The following STIMATE variants were observed in gnomAD, a reference collection of about 807,000 sequenced individuals.
STIMATE encodes the protein store-operated calcium entry regulator STIMATE.
STIMATE carries 15 observed loss-of-function variants against 36.7 expected under a neutral mutation model. The ratio of observed to expected loss-of-function variants is 0.41; its 90% CI spans 0.27 to 0.63. The LOEUF is 0.63. Among genes scored for constraint, STIMATE ranks in the 20% least tolerant of loss-of-function variants. STIMATE has a pLI of 0.32. For missense variants in STIMATE, 305 were observed against 397.3 expected (o/e 0.77, Z 1.98); for synonymous variants, 163 against 162.3 (o/e 1.00, Z -0.03).
At chr3:52,870,703 C>T (rs933791709) in intron 1 of STIMATE, among the ~76,000 whole-genome samples, 1 of 152,112 alleles carries the variant, frequency 6.6e-6, no homozygotes, top group Non-Finnish European at 1.5e-5. Context: ...GCTGGTCAAG[C>T]GAGTCTTCTT....
At chr3:52,863,660 T>C (rs1236770432) in intron 1 of STIMATE, among the ~76,000 whole-genome samples, 5 of 152,158 alleles carry the variant, frequency 3.3e-5, no homozygotes, top group Non-Finnish European at 7.3e-5. Flanking sequence ...CAAAGTCTCA[T>C]CTGAGACAAG....
chr3:52,888,011 T>G lies in STIMATE; in HGVS notation c.160+9280A>C, dbSNP rs970870143. On this transcript the variant is annotated intron_variant, in intron 1 of 7. Transcript: ENST00000355083. Reference sequence around the variant, plus strand: ...CAGAATCAGTTTTTTTTTTTTTTTTTTTTTTTTTTTGCCAGTAATTGATGG... The same window carrying G: ...CAGAATCAGTTTTTTTTTTTTTTTTGTTTTTTTTTTGCCAGTAATTGATGG... 1.7e-4 allele frequency among the ~76,000 whole-genome samples: 24 copies of G among 142,518 alleles called. No individual in the cohort carries two copies. In the East Asian group the frequency reaches 2.3e-3, roughly 14 times the overall value. 93.5% of individuals were successfully genotyped at this position (142,518 alleles called of 152,430 possible).
intron 4 of STIMATE, 125 bp from the exon 5 acceptor site, chr3:52,845,066 G>GC (rs1167036393): frequency 1.7e-5 from 15 of 863,420 alleles, no homozygotes; most frequent in East Asian, 5.7e-5. Flanking sequence ...TACTTAATGA[G>GC]CCCCCCCAAA....
intron 1 of STIMATE, among the ~76,000 whole-genome samples, chr3:52,888,361 C>T (rs370423391): frequency 7.2e-5 from 11 of 152,288 alleles, no homozygotes; most frequent in South Asian, 2.1e-4. Flanking sequence ...GCTCCCCATG[C>T]GAAGACTGGA....
At chr3:52,895,989 A>G in intron 1 of STIMATE, 2 of 1,280,140 alleles carry the variant, frequency 1.6e-6, no homozygotes, top group Non-Finnish European at 2.0e-6. Context: ...TTTAGCAGAG[A>G]AAAAGCAAGG....
intron 4 of STIMATE, chr3:52,846,687 C>G (rs1182233783): frequency 2.0e-5 from 3 of 152,180 alleles, no homozygotes; most frequent in Non-Finnish European, 2.9e-5. Flanking sequence ...TAAGAAAGTT[C>G]AGAAACGTGA....
At chr3:52,894,288 G>A (rs187452511) in intron 1 of STIMATE, among the ~76,000 whole-genome samples, 1 of 152,318 alleles carries the variant, frequency 6.6e-6, no homozygotes, top group African/African-American at 2.4e-5. Flanking sequence ...AACTCAACAA[G>A]GCAGTGCTGA....
At chr3:52,859,531 A>AAAAAAAATTT (rs748928249) in intron 1 of STIMATE, among the ~76,000 whole-genome samples, 4 of 18,828 alleles carry the variant, frequency 2.1e-4, no homozygotes, top group African/African-American at 2.5e-4. Flanking sequence ...AAAAAAAAAA[A>AAAAAAAATTT]TTTTTTTTTT....
intron 1 of STIMATE, chr3:52,896,050 C>T (rs1280695215): frequency 2.5e-6 from 2 of 796,094 alleles, no homozygotes; most frequent in East Asian, 6.3e-5. Context: ...GACAGTTGGG[C>T]ACTTATAAGA....
chr3:52,897,471 C>G lies in STIMATE; in HGVS notation c.-21G>C. On this transcript the variant is annotated 5_prime_UTR_variant, in exon 1 of 8. Transcript: ENST00000355083. ...TGCATGACAGGCCTCGCGGGAGGGG[C>G]GCGAGGGCCCAGGGCCCGCCCGGCC... The G allele has an allele frequency of 1.6e-6, 2 of 1,281,300 alleles. No individual in the cohort carries two copies. Among genetic ancestry groups the G allele is most frequent in the South Asian group, 4.8e-5 (2 of 41,986 alleles). 79.4% of individuals were successfully genotyped at this position (1,281,300 alleles called of 1,614,324 possible). A position where few individuals can be genotyped will look rare whatever the true frequency, so the allele number is the denominator to read the frequency against.
At chr3:52,855,991 G>A (rs1701085735) in intron 1 of STIMATE, among the ~76,000 whole-genome samples, 1 of 152,182 alleles carries the variant, frequency 6.6e-6, no homozygotes, top group Non-Finnish European at 1.5e-5. Context: ...CCCACAGTGG[G>A]GACCGAAGTG....
chr3:52,897,480 C>T lies in STIMATE; in HGVS notation c.-30G>A. On this transcript the variant is annotated 5_prime_UTR_variant, in exon 1 of 8. Transcript: ENST00000355083. Reference sequence around the variant, plus strand: ...GGCCTCGCGGGAGGGGCGCGAGGGCCCAGGGCCCGCCCGGCCTCGCTGCCT... The same window carrying T: ...GGCCTCGCGGGAGGGGCGCGAGGGCTCAGGGCCCGCCCGGCCTCGCTGCCT... 3 of 1,220,012 alleles carry T rather than the reference C, an allele frequency of 2.5e-6. No homozygotes were observed. The highest frequency in any genetic ancestry group is 2.0e-6 in the Non-Finnish European group (2 of 981,332). 75.6% of individuals were successfully genotyped at this position (1,220,012 alleles called of 1,614,324 possible). A position where few individuals can be genotyped will look rare whatever the true frequency, so the allele number is the denominator to read the frequency against.
intron 4 of STIMATE, 96 bp from the exon 5 acceptor site, chr3:52,845,037 GGCTCTAAA>G: frequency 7.7e-7 from 1 of 1,302,108 alleles, no homozygotes; most frequent in African/African-American, 1.5e-5. Flanking sequence ...CCAGAACACT[GGCTCTAAA>G]GCTCTAAAGG....
rs756962104 is a variant in STIMATE, at chr3:52,855,495, A to T, written c.161-51T>A. ...GTTTTCCAAAGAAGTTACATAAAGC[A>T]AGATGCACATAACAAGCTGGGTTAT... is the stretch of plus-strand genomic sequence containing the variant. On this transcript the variant is annotated intron_variant, in intron 1 of 7. Transcript: ENST00000355083. 1.9e-6 allele frequency: 3 copies of T among 1,612,778 alleles called. No homozygotes were observed. In the South Asian group the frequency reaches 3.3e-5, roughly 18 times the overall value.
At chr3:52,895,942 G>A (rs534859711) in intron 1 of STIMATE, 1 of 1,289,718 alleles carries the variant, frequency 7.8e-7, no homozygotes, top group Admixed American at 2.3e-5. Flanking sequence ...TGGCTAAGTT[G>A]TCACAAATTA....
intron 7 of STIMATE, 59 bp downstream of exon 7, chr3:52,842,752 G>T (rs1354840186): frequency 6.2e-7 from 1 of 1,607,726 alleles, no homozygotes; most frequent in African/African-American, 1.3e-5. Flanking sequence ...TGAGACCAGA[G>T]ACCCCCTTGG....
At chr3:52,891,286 C>A (rs531938414) in intron 1 of STIMATE, among the ~76,000 whole-genome samples, 1 of 152,290 alleles carries the variant, frequency 6.6e-6, no homozygotes, top group South Asian at 2.1e-4. Flanking sequence ...TCTGCACTTA[C>A]TAACCAGGAG....
At chr3:52,841,204 A>C (rs912158548) in intron 7 of STIMATE, among the ~76,000 whole-genome samples, 5 of 152,234 alleles carry the variant, frequency 3.3e-5, no homozygotes, top group African/African-American at 7.2e-5. Context: ...CATCAGGACA[A>C]ACTCAGCAGG....
chr3:52,846,586 A>C (rs1280206188), intron 4 of STIMATE: 1 of 152,208 alleles, frequency 6.6e-6, no homozygotes, highest in East Asian at 1.9e-4. Flanking sequence ...CAAGGAGGAA[A>C]ATGCTTTTCC....
Sources: allele counts gnomAD v4.1 joint callset (sites outside exome capture counted in the v4.1 genomes callset), GRCh38; gene constraint gnomAD v4.1.1; transcripts MANE v1.5; gene names NCBI Gene and HGNC (gene_info 2026-07-23, HGNC 2026-07-21).